Variants in MTMR8 observed in about 807,000 individuals in gnomAD.
MTMR8 encodes phosphatidylinositol-3,5-bisphosphate 3-phosphatase MTMR8.
MTMR8 carries 65 observed loss-of-function variants against 39.3 expected under a neutral mutation model. The observed-to-expected ratio is 1.65, with a 90% CI of 1.35 to 2.03. The LOEUF (loss-of-function observed/expected upper bound fraction) is 2.03, where lower values mean the gene tolerates loss of function less well. Among genes scored for constraint, MTMR8 ranks in the 30% most tolerant of loss-of-function variants. The probability of loss-of-function intolerance (pLI) is 0.00; values close to 1 mark genes in which losing one functional copy is unlikely to be tolerated. For synonymous variants in MTMR8, 245 were observed against 185.2 expected (o/e 1.32, Z -2.62); for missense variants, 777 against 538.9 (o/e 1.44, Z -4.37).
chrX:64,313,804 G>C (rs1458814218), intron 12 of MTMR8, among the ~76,000 whole-genome samples: 4 of 112,308 alleles, frequency 3.6e-5, no homozygotes, highest in Non-Finnish European at 7.5e-5. Flanking sequence ...AGCCATCTTA[G>C]CCTGGTTAAG....
intron 8 of MTMR8, among the ~76,000 whole-genome samples, chrX:64,339,339 G>T (rs906762266): frequency 8.1e-5 from 9 of 111,605 alleles, no homozygotes; most frequent in African/African-American, 2.9e-4. Flanking sequence ...ACTACAAAAA[G>T]GGTTCAAAGT....
chrX:64,365,346 A>T (rs1156822568), intron 1 of MTMR8, among the ~76,000 whole-genome samples: 2 of 110,608 alleles, frequency 1.8e-5, no homozygotes, highest in African/African-American at 3.3e-5. Context: ...AAAAATGTTA[A>T]GGGCAGCCAG....
At chrX:64,280,665 C>A (rs1359561184) in intron 12 of MTMR8, among the ~76,000 whole-genome samples, 1 of 111,406 alleles carries the variant, frequency 9.0e-6, no homozygotes, top group Non-Finnish European at 1.9e-5. Flanking sequence ...TCTCACTACT[C>A]CTGTTCAACA....
chrX:64,350,354 G>A (rs1381738486), intron 4 of MTMR8, among the ~76,000 whole-genome samples: 1 of 110,362 alleles, frequency 9.1e-6, no homozygotes, highest in African/African-American at 3.3e-5. Context: ...ATTTGTGTCC[G>A]TTCATATTAA....
chrX:64,310,034 C>A (rs368066008), intron 12 of MTMR8, among the ~76,000 whole-genome samples: 1 of 110,657 alleles, frequency 9.0e-6, no homozygotes, highest in Non-Finnish European at 1.9e-5. Flanking sequence ...TGTGCCACAT[C>A]GATGTACTCA....
intron 13 of MTMR8, among the ~76,000 whole-genome samples, chrX:64,270,550 A>C (rs1931737392): frequency 8.9e-6 from 1 of 112,439 alleles, no homozygotes; most frequent in Non-Finnish European, 1.9e-5. Context: ...AGGAAATAAG[A>C]ATCTTCTTTT....
chrX:64,376,138 C>T (rs1207997827), intron 1 of MTMR8, among the ~76,000 whole-genome samples: 4 of 112,031 alleles, frequency 3.6e-5, no homozygotes, highest in Non-Finnish European at 3.8e-5. Flanking sequence ...TCATAAATTA[C>T]CCAGTCCCAG....
chrX:64,284,609 C>T (rs1921084919), intron 12 of MTMR8, among the ~76,000 whole-genome samples: 1 of 112,017 alleles, frequency 8.9e-6, no homozygotes. Flanking sequence ...AACCCCATCA[C>T]ACTAACAGAG....
intron 12 of MTMR8, among the ~76,000 whole-genome samples, chrX:64,283,069 T>C (rs1411488258): frequency 8.9e-6 from 1 of 111,898 alleles, no homozygotes; most frequent in Non-Finnish European, 1.9e-5. Flanking sequence ...GAATTCCCTT[T>C]CATAGCCAAG....
intron 12 of MTMR8, among the ~76,000 whole-genome samples, chrX:64,278,685 G>A (rs1931937810): frequency 9.2e-6 from 1 of 109,233 alleles, no homozygotes; most frequent in East Asian, 2.9e-4. Context: ...TGTTCATCAG[G>A]CTGGTCTCGA....
intron 12 of MTMR8, among the ~76,000 whole-genome samples, chrX:64,302,386 C>G (rs1420492452): frequency 1.8e-5 from 2 of 112,732 alleles, no homozygotes; most frequent in Non-Finnish European, 3.8e-5. Flanking sequence ...CGACCCCTTG[C>G]GCTTCCCAGG....
intron 1 of MTMR8, among the ~76,000 whole-genome samples, chrX:64,364,341 C>T (rs1375336997): frequency 8.9e-6 from 1 of 111,824 alleles, no homozygotes; most frequent in African/African-American, 3.3e-5. Context: ...CAGTAGGGGC[C>T]GAATGATACC....
rs1489169248 is a variant in MTMR8, at chrX:64,395,378, C to T, written c.-15G>A. 2 of 1,208,894 alleles carry T rather than the reference C, an allele frequency of 1.7e-6. No individual in the cohort carries two copies. The highest frequency in any genetic ancestry group is 2.2e-6 in the Non-Finnish European group (2 of 894,109). ...ATATGATCCATGACTGCAGTTCCCG[C>T]CACCGGAAGATCTCAGTGCTACTCC... On this transcript the variant is annotated 5_prime_UTR_variant, in exon 1 of 14. Coordinates refer to ENST00000374852, the MANE Select transcript of MTMR8 (RefSeq NM_017677.4).
chrX:64,379,181 C>T, intron 1 of MTMR8, among the ~76,000 whole-genome samples: 1 of 111,668 alleles, frequency 9.0e-6, no homozygotes, highest in East Asian at 2.8e-4. Flanking sequence ...GATGGTTTCA[C>T]TGGTGAATTC....
At chrX:64,319,944 C>G (rs1279390653) in intron 12 of MTMR8, among the ~76,000 whole-genome samples, 12 of 111,232 alleles carry the variant, frequency 1.1e-4, no homozygotes, top group African/African-American at 3.3e-4. Flanking sequence ...TGTGAAGTAA[C>G]TTATTGGTAG....
chrX:64,319,826 G>T (rs1274233866), intron 12 of MTMR8, among the ~76,000 whole-genome samples: 1 of 111,272 alleles, frequency 9.0e-6, no homozygotes, highest in East Asian at 2.8e-4. Flanking sequence ...ATAGTTTGAA[G>T]TCAGGTAGCG....
At chrX:64,315,849 A>T (rs1180768552) in intron 12 of MTMR8, among the ~76,000 whole-genome samples, 1 of 110,747 alleles carries the variant, frequency 9.0e-6, no homozygotes, top group East Asian at 2.8e-4. Context: ...TTTCATTTTG[A>T]TTAATCTAAA....
intron 12 of MTMR8, among the ~76,000 whole-genome samples, chrX:64,271,321 A>G (rs1032220188): frequency 8.9e-6 from 1 of 111,917 alleles, no homozygotes; most frequent in African/African-American, 3.3e-5. Flanking sequence ...AAACAATCAA[A>G]TTATGATTTT....
At chrX:64,383,036 C>A (rs185602457) in intron 1 of MTMR8, among the ~76,000 whole-genome samples, 1 of 111,308 alleles carries the variant, frequency 9.0e-6, no homozygotes, top group African/African-American at 3.3e-5. Context: ...ACAACAACAA[C>A]TATAATAACA....
Sources: allele counts gnomAD v4.1 joint callset (sites outside exome capture counted in the v4.1 genomes callset), GRCh38; gene constraint gnomAD v4.1.1; transcripts MANE v1.5; gene names NCBI Gene and HGNC (gene_info 2026-07-23, HGNC 2026-07-21).